NIPAL1: variants seen among roughly 807,000 people sequenced by gnomAD.
NIPAL1 encodes the protein magnesium transporter NIPA3.
Under a neutral mutation model 37.7 loss-of-function variants are expected in NIPAL1, and 35 were observed. The ratio of observed to expected loss-of-function variants is 0.93; its 90% confidence interval spans 0.71 to 1.23. The LOEUF (loss-of-function observed/expected upper bound fraction) is 1.23, where lower values mean the gene tolerates loss of function less well. Among genes scored for constraint, NIPAL1 ranks in the 50% most tolerant of loss-of-function variants. The pLI is 0.00. For synonymous variants in NIPAL1, 162 were observed against 183.0 expected, an observed-to-expected ratio of 0.89 and a Z score of 0.93; for missense variants, 412 against 473.9, an observed-to-expected ratio of 0.87 and a Z score of 1.21.
chr4:48,035,470 C>CCT (rs1715905666), intron 5 of NIPAL1, 92 bp from the exon 6 acceptor site: 1 of 1,134,114 alleles, frequency 8.8e-7, no homozygotes, highest in African/African-American at 1.6e-5. Context: ...TTCTAAAATA[C>CCT]CTATGCTCTT....
intron 3 of NIPAL1, 77 bp downstream of exon 3, chr4:48,030,253 A>C (rs1229540097): frequency 3.3e-6 from 3 of 909,374 alleles, no homozygotes; most frequent in Middle Eastern, 5.8e-4. Flanking sequence ...ATAATTGGTT[A>C]ATCTTCCTGT....
In NIPAL1 at chr4:48,025,057, C is replaced by CT; in HGVS notation, c.47-5dup. 6.2e-7 allele frequency: 1 copy of CT among 1,610,530 alleles called. No homozygotes were observed. Among genetic ancestry groups the CT allele is most frequent in the Non-Finnish European group, 8.5e-7 (1 of 1,177,776 alleles). ...TTCATTCCTGACATTCTCTTCTTTCCTTTTTTCCAGGATATGTGCTGTCTC... is the reference window on the plus strand; with the variant it reads ...TTCATTCCTGACATTCTCTTCTTTCCTTTTTTTCCAGGATATGTGCTGTCTC... On this transcript the variant is annotated splice_polypyrimidine_tract_variant and intron_variant, in intron 1 of 5. Transcript: ENST00000295461.
intron 1 of NIPAL1, among the ~76,000 whole-genome samples, chr4:48,018,586 A>C (rs758419101): frequency 6.6e-6 from 1 of 152,182 alleles, no homozygotes; most frequent in Non-Finnish European, 1.5e-5. Context: ...ACAGTTCTGA[A>C]GAGTAGGTGC....
chr4:48,026,102 GT>G (rs529518661), intron 2 of NIPAL1, among the ~76,000 whole-genome samples: 29 of 152,152 alleles, frequency 1.9e-4, no homozygotes, highest in African/African-American at 7.0e-4. Flanking sequence ...ATTTTTAGTT[GT>G]ACATGTATTG....
At chr4:48,028,151 G>A (rs1560323849) in intron 2 of NIPAL1, among the ~76,000 whole-genome samples, 1 of 152,214 alleles carries the variant, frequency 6.6e-6, no homozygotes, top group East Asian at 1.9e-4. Context: ...AACAAAGCTG[G>A]AGGTATCACA....
At chr4:48,034,820 C>A in intron 4 of NIPAL1, 61 bp from the exon 5 acceptor site, 2 of 1,310,626 alleles carry the variant, frequency 1.5e-6, no homozygotes, top group South Asian at 1.2e-5. Context: ...GACTTCTGAG[C>A]TGCCATGGGA....
intron 1 of NIPAL1, among the ~76,000 whole-genome samples, chr4:48,023,535 C>T (rs763825275): frequency 1.2e-4 from 18 of 151,904 alleles, no homozygotes; most frequent in Non-Finnish European, 5.9e-5. Context: ...TTTCCTTTAC[C>T]CTCTTTTGTT....
chr4:48,025,014 G>A (rs1236811975), intron 1 of NIPAL1, 54 bp from the exon 2 acceptor site: 6 of 1,507,894 alleles, frequency 4.0e-6, no homozygotes, highest in African/African-American at 1.4e-5. Flanking sequence ...AAGCCGGTAA[G>A]CATTAATACC....
At position 48,033,079 on chromosome 4, in the gene NIPAL1, A is replaced by C; in HGVS notation, c.457A>C (p.Ile153Leu). The C allele has an allele frequency of 6.2e-7, 1 of 1,607,214 alleles. No individual in the cohort carries two copies. The highest frequency in any genetic ancestry group is 8.5e-7 in the Non-Finnish European group (1 of 1,173,882). Residue 153 changes from isoleucine (I) to leucine (L), a missense_variant, in exon 4 of 6, where the codon ATA becomes CTA. Transcript: ENST00000295461. ...CCCTCTGGGTGCTTTGAGTGTTCTC[A>C]TAAGGTATGTGAGCAACAGGGAACT... ...VTPLGALSVL[I>L]SAILSSYFLN...
chr4:48,035,067 C>T (rs1411711513), intron 5 of NIPAL1, 26 bp downstream of exon 5: 1 of 1,591,316 alleles, frequency 6.3e-7, no homozygotes, highest in African/African-American at 1.3e-5. Context: ...TAAAGAACCA[C>T]TCAAATTCTG....
intron 2 of NIPAL1, among the ~76,000 whole-genome samples, chr4:48,029,271 A>G (rs1715765700): frequency 6.6e-6 from 1 of 152,210 alleles, no homozygotes; most frequent in Non-Finnish European, 1.5e-5. Flanking sequence ...TATCTTTTGC[A>G]GCAACATGGA....
chr4:48,027,521 C>T lies in NIPAL1; in HGVS notation c.313+2187C>T, dbSNP rs1715719797. Among the ~76,000 whole-genome samples the T allele has an allele frequency of 6.6e-6, 1 of 152,104 alleles. No individual in the cohort carries two copies. The highest frequency in any genetic ancestry group is 6.6e-5 in the Admixed American group (1 of 15,264). On this transcript the variant is annotated intron_variant, in intron 2 of 5. Coordinates refer to ENST00000295461, the MANE Select transcript of NIPAL1 (RefSeq NM_207330.3). The surrounding 1 kb of genome is among the most constrained non-coding windows in gnomAD (Gnocchi z 4.1). Reference sequence around the variant, plus strand: ...TCAGGTCCAGGGTTGTAATATAATTCCAAGTTAGTAATTTGCCAATTTCTT... The same window carrying T: ...TCAGGTCCAGGGTTGTAATATAATTTCAAGTTAGTAATTTGCCAATTTCTT...
At position 48,027,037 on chromosome 4, in the gene NIPAL1, A is replaced by G. The variant is rs1421095637; in HGVS notation, c.313+1703A>G. Among the ~76,000 whole-genome samples the G allele has an allele frequency of 6.6e-6, 1 of 152,062 alleles. No individual in the cohort carries two copies. The highest frequency in any genetic ancestry group is 1.5e-5 in the Non-Finnish European group (1 of 68,008). ...CTGGCCAAAAAATGAAATAATTTAA[A>G]AAAAAAAGAAGGCTTTTCTAAGCAT... On this transcript the variant is annotated intron_variant, in intron 2 of 5. Transcript: ENST00000295461. This position sits in a 1 kb window ranked among gnomAD's most constrained non-coding sequence, Gnocchi z 4.1.
intron 1 of NIPAL1, among the ~76,000 whole-genome samples, chr4:48,019,203 G>A (rs898281251): frequency 3.3e-5 from 5 of 152,010 alleles, no homozygotes; most frequent in African/African-American, 4.8e-5. Context: ...TTTTTAATAC[G>A]GGTTTCACTG....
intron 2 of NIPAL1, among the ~76,000 whole-genome samples, chr4:48,029,004 A>G (rs995150400): frequency 6.6e-6 from 1 of 152,140 alleles, no homozygotes; most frequent in South Asian, 2.1e-4. Flanking sequence ...GGAAAACAAT[A>G]TGGAGATCTC....
At chr4:48,028,177 A>G (rs1258975055) in intron 2 of NIPAL1, among the ~76,000 whole-genome samples, 1 of 152,206 alleles carries the variant, frequency 6.6e-6, no homozygotes, top group Non-Finnish European at 1.5e-5. Flanking sequence ...TTCAAATTAT[A>G]CTATAAGGCT....
rs745777462 is a variant in NIPAL1 at position 48,025,312 on chromosome 4, C to A, written c.291C>A (p.Ala97=). The A allele has an allele frequency of 6.2e-7, 1 of 1,614,094 alleles. No homozygotes were observed. Among genetic ancestry groups the A allele is most frequent in the Non-Finnish European group, 8.5e-7 (1 of 1,180,006 alleles). Residue 97 remains alanine (A), a synonymous_variant, in exon 2 of 6, where the codon GCC becomes GCA. Coordinates refer to ENST00000295461, the MANE Select transcript of NIPAL1 (RefSeq NM_207330.3). ...ILKKKGLLQL[A]SKGFTRAGQG... is the part of the protein sequence containing the mutation. ...AAAAGAAGGGCCTCTTGCAACTGGC[C>A]AGCAAGGGCTTTACTAGAGCTGGTA...
At position 48,016,885 on chromosome 4, in the gene NIPAL1, G is replaced by A; in HGVS notation, c.46G>A (p.Gly16Arg). 6.3e-7 allele frequency: 1 copy of A among 1,597,472 alleles called. No homozygotes were observed. Among genetic ancestry groups the A allele is most frequent in the Non-Finnish European group, 8.5e-7 (1 of 1,174,008 alleles). Residue 16 changes from glycine to arginine, a missense_variant and splice_region_variant, in exon 1 of 6, where the codon GGA becomes AGA. Transcript: ENST00000295461. ...GCCGCCCGGAGAGCCCTGCCGAGAA[G>A]GTTTGTGTCTGCCCTGAGCCGAGGG... ...RLPPGEPCRE[G>R]YVLSLVCPNS...
rs1715965584 is a variant in NIPAL1 at position 48,036,970 on chromosome 4, A to T, written c.*798A>T. On this transcript the variant is annotated 3_prime_UTR_variant, in exon 6 of 6. Coordinates refer to ENST00000295461, the MANE Select transcript of NIPAL1 (RefSeq NM_207330.3). ...AGGGCCAGGGGCTTTTGCTTTAAAA[A>T]ACTTTTTTTAAAACAGAAGTGAAAC... 1 of 155,752 alleles carries T rather than the reference A, an allele frequency of 6.4e-6. No individual in the cohort carries two copies. The highest frequency in any genetic ancestry group is 6.4e-5 in the Admixed American group (1 of 15,524). The allele number at this position is 155,752 out of a possible 1,614,324, so 9.6% of individuals were successfully genotyped here.
Sources: gnomAD v4.1 joint callset for allele counts (sites outside exome capture counted in the v4.1 genomes callset) on GRCh38, gnomAD v4.1.1 for gene constraint, Gnocchi (gnomAD v3.1) non-coding constraint, MANE v1.5 for transcripts, NCBI Gene and HGNC (gene_info 2026-07-23, HGNC 2026-07-21) for gene names.